The following DLC1 variants were observed in gnomAD, a reference collection of about 807,000 sequenced individuals.
DLC1 encodes the protein DLC1 Rho GTPase activating protein, also known as rho GTPase-activating protein 7.
In DLC1, 54 loss-of-function variants were observed where a neutral mutation model predicts 140.3. The ratio of observed to expected loss-of-function variants is 0.38; its 90% CI spans 0.31 to 0.48. The LOEUF is 0.48. Among genes scored for constraint, DLC1 ranks in the 20% least tolerant of loss-of-function variants. The pLI is 0.96. For synonymous variants in DLC1, 986 were observed against 728.1 expected, an observed-to-expected ratio of 1.35 and a Z score of -5.70; for missense variants, 2,536 against 1,907.0, an observed-to-expected ratio of 1.33 and a Z score of -6.14.
At chr8:13,497,237 G>A (rs565361041) in intron 2 of DLC1, among the ~76,000 whole-genome samples, 1 of 152,144 alleles carries the variant, frequency 6.6e-6, no homozygotes, top group African/African-American at 2.4e-5. Flanking sequence ...TCTAAAAATG[G>A]CGAATTGCCA....
intron 1 of DLC1, chr8:13,567,549 A>G: frequency 6.4e-7 from 1 of 1,551,776 alleles, no homozygotes; most frequent in Non-Finnish European, 8.7e-7. Flanking sequence ...CAACGCCAAA[A>G]CAGGAGGCAG....
chr8:13,601,617 GA>G (rs1563468727), intron 1 of DLC1, among the ~76,000 whole-genome samples: 1 of 149,892 alleles, frequency 6.7e-6, no homozygotes, highest in East Asian at 2.0e-4. Flanking sequence ...ACTTGTCAAA[GA>G]GTCCAGTAAA....
intron 5 of DLC1, among the ~76,000 whole-genome samples, chr8:13,172,712 G>C (rs1351229670): frequency 1.3e-5 from 2 of 152,186 alleles, no homozygotes; most frequent in Non-Finnish European, 2.9e-5. Flanking sequence ...TTCTGTTTCA[G>C]TATCAGAAAA....
intron 1 of DLC1, among the ~76,000 whole-genome samples, chr8:13,550,681 A>ATTAGC (rs1803815491): frequency 6.6e-6 from 1 of 152,140 alleles, no homozygotes; most frequent in Non-Finnish European, 1.5e-5. Context: ...AGCTTGTGTT[A>ATTAGC]TCTTTAATTA....
chr8:13,350,026 A>G (rs1834563514), intron 4 of DLC1, among the ~76,000 whole-genome samples: 1 of 152,204 alleles, frequency 6.6e-6, no homozygotes, highest in South Asian at 2.1e-4. Context: ...GTCTGTGATC[A>G]GAAACTAAAA....
intron 13 of DLC1, 87 bp from the exon 14 acceptor site, chr8:13,091,519 A>G (rs1431514537): frequency 1.6e-6 from 2 of 1,251,754 alleles, no homozygotes; most frequent in Non-Finnish European, 2.2e-6. Flanking sequence ...CAAAGAAGAG[A>G]GAAAAAAAAA....
At position 13,328,513 on chromosome 8, in the gene DLC1, G is replaced by A. The variant is rs1833459938; in HGVS notation, c.1315-23211C>T. On this transcript the variant is annotated intron_variant, in intron 4 of 17. Transcript: ENST00000276297. ...AGAAGACTGCAGCTGAAGTGGACTAGGTCATCACAGGAGCTGAATTTGTTT... is the reference window on the plus strand; with the variant it reads ...AGAAGACTGCAGCTGAAGTGGACTAAGTCATCACAGGAGCTGAATTTGTTT... Among the ~76,000 whole-genome samples, 4 of 152,278 alleles carry A rather than the reference G, an allele frequency of 2.6e-5. No individual in the cohort carries two copies. In the East Asian group the frequency reaches 7.7e-4, roughly 29 times the overall value.
At chr8:13,491,315 C>A (rs1563393357) in intron 2 of DLC1, among the ~76,000 whole-genome samples, 1 of 151,902 alleles carries the variant, frequency 6.6e-6, no homozygotes, top group Non-Finnish European at 1.5e-5. Flanking sequence ...TCTCTCCACT[C>A]CACCCCCAAC....
intron 5 of DLC1, among the ~76,000 whole-genome samples, chr8:13,142,675 T>G (rs181165119): frequency 4.1e-4 from 62 of 152,282 alleles, no homozygotes; most frequent in African/African-American, 1.4e-3. Flanking sequence ...TACACAACAC[T>G]AAAAAGTTTA....
chr8:13,482,724 A>G (rs963260683), intron 2 of DLC1, among the ~76,000 whole-genome samples: 4 of 152,186 alleles, frequency 2.6e-5, no homozygotes, highest in African/African-American at 9.6e-5. Flanking sequence ...AGACAGTGAG[A>G]GAATAGGATT....
At position 13,348,397 on chromosome 8, in the gene DLC1, T is replaced by C. The variant is rs77518084; in HGVS notation, c.1315-43095A>G. 1.6e-3 allele frequency among the ~76,000 whole-genome samples: 241 copies of C among 152,318 alleles called. 7 individuals are homozygous for C. The East Asian group carries it at 0.043, about 27-fold the overall frequency. ...CACACACAAGGTAAATATTATTCTTTAGAGGATAGGGTCCTACTGAAATTT... is the reference window on the plus strand; with the variant it reads ...CACACACAAGGTAAATATTATTCTTCAGAGGATAGGGTCCTACTGAAATTT... On this transcript the variant is annotated intron_variant, in intron 4 of 17. Transcript: ENST00000276297.
At chr8:13,097,949 C>T (rs1174326498) in intron 10 of DLC1, among the ~76,000 whole-genome samples, 3 of 149,184 alleles carry the variant, frequency 2.0e-5, no homozygotes, top group Non-Finnish European at 4.4e-5. Flanking sequence ...CTTGGGAGGC[C>T]GAGGCAGGTG....
intron 5 of DLC1, among the ~76,000 whole-genome samples, chr8:13,174,028 C>T (rs1405392464): frequency 6.6e-6 from 1 of 152,072 alleles, no homozygotes. Flanking sequence ...ACTCTTCCCC[C>T]TATTATAGTC....
chr8:13,450,096 A>AAGTAAAATAAATCATTATTT (rs1798970060), intron 2 of DLC1, among the ~76,000 whole-genome samples: 3 of 152,084 alleles, frequency 2.0e-5, no homozygotes, highest in Admixed American at 1.3e-4. Context: ...AAATCAAATT[A>AAGTAAAATAAATCATTATTT]AGTAAAATAA....
chr8:13,420,253 T>C (rs184383503), intron 2 of DLC1, among the ~76,000 whole-genome samples: 93 of 152,290 alleles, frequency 6.1e-4, no homozygotes, highest in African/African-American at 2.2e-3. Context: ...TGTAGGGTCT[T>C]TCCATTAATG....
At chr8:13,566,741 C>T in intron 1 of DLC1, 1 of 493,568 alleles carries the variant, frequency 2.0e-6, no homozygotes. Flanking sequence ...AATCGCCAAC[C>T]CGGCGCAAGC....
intron 4 of DLC1, among the ~76,000 whole-genome samples, chr8:13,335,791 T>G (rs1000235465): frequency 3.3e-5 from 5 of 152,136 alleles, no homozygotes; most frequent in African/African-American, 1.2e-4. Flanking sequence ...CATGGGTATA[T>G]AAAGTCTGCG....
chr8:13,546,632 C>G (rs1035693352), intron 1 of DLC1, among the ~76,000 whole-genome samples: 1 of 152,072 alleles, frequency 6.6e-6, no homozygotes, highest in Non-Finnish European at 1.5e-5. Context: ...AAACCAGGGC[C>G]CTCTGCTCTC....
At chr8:13,179,720 C>CA (rs748351874) in intron 5 of DLC1, among the ~76,000 whole-genome samples, 2 of 151,252 alleles carry the variant, frequency 1.3e-5, no homozygotes, top group African/African-American at 2.4e-5. Flanking sequence ...GACTCAGTCT[C>CA]AAAAAAACAA....
Sources: allele counts gnomAD v4.1 joint callset (sites outside exome capture counted in the v4.1 genomes callset), GRCh38; gene constraint gnomAD v4.1.1; transcripts MANE v1.5; gene names NCBI Gene and HGNC (gene_info 2026-07-23, HGNC 2026-07-21).